NRXN1: variants seen among roughly 807,000 people sequenced by gnomAD.
NRXN1 encodes neurexin 1.
In NRXN1, 39 loss-of-function variants were observed where a neutral mutation model predicts 150.9. The ratio of observed to expected loss-of-function variants is 0.26; its 90% CI spans 0.20 to 0.34. NRXN1 has a LOEUF of 0.34. Among genes scored for constraint, NRXN1 ranks in the 10% least tolerant of loss-of-function variants. The pLI, the probability that NRXN1 is intolerant of heterozygous loss-of-function variation, is 1.00. For synonymous variants in NRXN1, 924 were observed against 757.0 expected, an observed-to-expected ratio of 1.22 and a Z score of -3.62; for missense variants, 1,815 against 1,949.9, an observed-to-expected ratio of 0.93 and a Z score of 1.30.
At chr2:51,030,486 C>T (rs1464795757) in intron 1 of NRXN1, among the ~76,000 whole-genome samples, 1 of 151,768 alleles carries the variant, frequency 6.6e-6, no homozygotes, top group Non-Finnish European at 1.5e-5. Flanking sequence ...TAGGGTATCC[C>T]ACTTCAAGTT....
At chr2:50,037,662 A>G (rs966335751) in intron 21 of NRXN1, among the ~76,000 whole-genome samples, 1 of 152,220 alleles carries the variant, frequency 6.6e-6, no homozygotes, top group African/African-American at 2.4e-5. Flanking sequence ...ATAATGCAAA[A>G]GAACTCAGCT....
At chr2:51,007,629 G>T (rs754258527) in intron 2 of NRXN1, among the ~76,000 whole-genome samples, 3 of 151,760 alleles carry the variant, frequency 2.0e-5, no homozygotes, top group Admixed American at 2.0e-4. Context: ...TTTTGATAAA[G>T]GATAAAAGAG....
At position 50,403,241 on chromosome 2, in the gene NRXN1, T is replaced by TG. The variant is rs201515427; in HGVS notation, c.3364+62200dup. Among the ~76,000 whole-genome samples the TG allele has an allele frequency of 7.3e-3, 1,104 of 152,200 alleles. 20 individuals carry two copies. The highest frequency in any genetic ancestry group is 0.025 in the African/African-American group (1,050 of 41,534). The stretch of plus-strand genomic sequence containing the variant: ...TCTACTGGTTGGTAAACAGAGGTGA[T>TG]GGGGTAAAGGAGATTAAGGTGCTCC... On this transcript the variant is annotated intron_variant, in intron 17 of 22. Coordinates refer to ENST00000401669, the MANE Select transcript of NRXN1 (RefSeq NM_001330078.2).
At chr2:50,997,338 C>A (rs962807983) in intron 2 of NRXN1, among the ~76,000 whole-genome samples, 9 of 151,860 alleles carry the variant, frequency 5.9e-5, no homozygotes, top group Admixed American at 2.0e-4. Context: ...TGCACTCCAG[C>A]CTGGGCAACA....
intron 5 of NRXN1, among the ~76,000 whole-genome samples, chr2:50,811,496 G>A (rs3914728): frequency 0.2 from 29,952 of 151,974 alleles, 3,038 homozygotes; most frequent in African/African-American, 0.2. Context: ...AGGTGGGTGT[G>A]TTTTTGTTTT....
intron 5 of NRXN1, among the ~76,000 whole-genome samples, chr2:50,876,352 A>G (rs1003471813): frequency 6.6e-6 from 1 of 151,780 alleles, no homozygotes; most frequent in Non-Finnish European, 1.5e-5. Context: ...GTCACAAAAA[A>G]TACTGTGGTC....
At chr2:50,484,566 G>T (rs1003545726) in intron 15 of NRXN1, among the ~76,000 whole-genome samples, 7 of 152,106 alleles carry the variant, frequency 4.6e-5, no homozygotes, top group African/African-American at 1.7e-4. Flanking sequence ...TGATTGATAG[G>T]CCAACCCCCA....
intron 18 of NRXN1, among the ~76,000 whole-genome samples, chr2:50,199,474 T>C (rs575763377): frequency 5.7e-4 from 87 of 152,062 alleles, no homozygotes; most frequent in African/African-American, 2.0e-3. Context: ...AAAACAAATA[T>C]AAGAAGAAAG....
At chr2:50,310,852 C>G (rs1289240788) in intron 17 of NRXN1, among the ~76,000 whole-genome samples, 1 of 152,072 alleles carries the variant, frequency 6.6e-6, no homozygotes, top group East Asian at 1.9e-4. Flanking sequence ...CACATCTTAC[C>G]TTATAAGACT....
chr2:50,500,683 G>A (rs867146907), intron 13 of NRXN1, among the ~76,000 whole-genome samples: 9 of 152,150 alleles, frequency 5.9e-5, no homozygotes, highest in African/African-American at 1.9e-4. Flanking sequence ...ATAACAGATT[G>A]ACAATAATCT....
intron 5 of NRXN1, among the ~76,000 whole-genome samples, chr2:50,759,564 T>A (rs957305886): frequency 9.9e-5 from 15 of 151,894 alleles, no homozygotes; most frequent in African/African-American, 3.6e-4. Context: ...TGAGACAATT[T>A]ATAAGAAAAA....
intron 5 of NRXN1, among the ~76,000 whole-genome samples, chr2:50,904,363 G>T (rs893888278): frequency 3.3e-5 from 5 of 152,094 alleles, no homozygotes; most frequent in African/African-American, 1.2e-4. Flanking sequence ...TTTAGAAAAG[G>T]TATCTTGAAA....
intron 17 of NRXN1, among the ~76,000 whole-genome samples, chr2:50,418,456 C>T (rs571114009): frequency 6.6e-6 from 1 of 151,998 alleles, no homozygotes; most frequent in East Asian, 1.9e-4. Context: ...GTAAAATCTC[C>T]AAATAAAGTT....
chr2:51,013,117 T>C (rs555726792), intron 2 of NRXN1, among the ~76,000 whole-genome samples: 7 of 152,084 alleles, frequency 4.6e-5, no homozygotes, highest in Admixed American at 3.3e-4. Context: ...GAGGATACCC[T>C]GGAGATGGCA....
intron 5 of NRXN1, among the ~76,000 whole-genome samples, chr2:50,824,406 C>A (rs1670164345): frequency 6.6e-6 from 1 of 152,022 alleles, no homozygotes; most frequent in Admixed American, 6.6e-5. Flanking sequence ...TACACCTTGG[C>A]TCCTTCTCAC....
chr2:50,390,301 C>G (rs2081601479), intron 17 of NRXN1, among the ~76,000 whole-genome samples: 1 of 152,034 alleles, frequency 6.6e-6, no homozygotes, highest in South Asian at 2.1e-4. Flanking sequence ...TCCTCCTGCC[C>G]TTTTTTTAAT....
intron 20 of NRXN1, 124 bp downstream of exon 20, chr2:50,054,831 A>T (rs964403463): frequency 1.6e-6 from 1 of 611,876 alleles, no homozygotes; most frequent in Non-Finnish European, 2.8e-6. Context: ...TTACTGTTTT[A>T]AAGTTGTTTT....
chr2:50,702,595 A>C (rs2104973694), intron 5 of NRXN1, among the ~76,000 whole-genome samples: 1 of 152,260 alleles, frequency 6.6e-6, no homozygotes, highest in South Asian at 2.1e-4. Context: ...CTCAGACTGA[A>C]GAATTAAAAA....
At chr2:50,243,987 G>A (rs1336723555) in intron 17 of NRXN1, among the ~76,000 whole-genome samples, 2 of 151,800 alleles carry the variant, frequency 1.3e-5, no homozygotes, top group Non-Finnish European at 2.9e-5. Flanking sequence ...AATTTCAATA[G>A]TAATTATGCG....
Sources: allele counts gnomAD v4.1 joint callset (sites outside exome capture counted in the v4.1 genomes callset), GRCh38; gene constraint gnomAD v4.1.1; transcripts MANE v1.5; gene names NCBI Gene and HGNC (gene_info 2026-07-23, HGNC 2026-07-21).